TIGAR: variants seen among roughly 807,000 people sequenced by gnomAD.
TIGAR encodes the protein TP53 induced glycolysis regulatory phosphatase, also known as fructose-2,6-bisphosphatase TIGAR.
A neutral mutation model predicts 17.9 loss-of-function variants in TIGAR; 7 were observed. The ratio of observed to expected loss-of-function variants is 0.39; its 90% confidence interval spans 0.22 to 0.73. The LOEUF is 0.73. Among genes scored for constraint, TIGAR ranks in the 30% least tolerant of loss-of-function variants. The probability of loss-of-function intolerance (pLI) is 0.42; values close to 1 mark genes in which losing one functional copy is unlikely to be tolerated. For synonymous variants in TIGAR, 94 were observed against 108.6 expected (o/e 0.87, Z 0.84); for missense variants, 258 against 327.4 (o/e 0.79, Z 1.64).
At chr12:4,348,432 A>G (rs1864803941) in intron 3 of TIGAR, among the ~76,000 whole-genome samples, 3 of 152,340 alleles carry the variant, frequency 2.0e-5, no homozygotes, top group Middle Eastern at 6.8e-3. Flanking sequence ...ATTAAAGACC[A>G]TTAGTTAGGC....
intron 1 of TIGAR, among the ~76,000 whole-genome samples, chr12:4,322,604 AATAAC>A: frequency 6.6e-6 from 1 of 152,244 alleles, no homozygotes; most frequent in East Asian, 1.9e-4. Context: ...CATACAGATA[AATAAC>A]ATACCATTTC....
chr12:4,335,206 T>G (rs1864645205), intron 2 of TIGAR, among the ~76,000 whole-genome samples: 1 of 152,074 alleles, frequency 6.6e-6, no homozygotes, highest in Non-Finnish European at 1.5e-5. Flanking sequence ...CCCAGCTAAT[T>G]TTGTATTTTT....
Position 4,346,521 on chromosome 12 carries a change from C to T in TIGAR, c.193-3298C>T, listed in dbSNP as rs1034194601. On this transcript the variant is annotated intron_variant, in intron 3 of 5. Coordinates refer to ENST00000179259, the MANE Select transcript of TIGAR (RefSeq NM_020375.3). ...ATGGCAAGGACAAAAAACCAAACAC[C>T]GCGTTTTCTCACTCGTAGGTGGGAA... Among the ~76,000 whole-genome samples, 8 of 151,978 alleles carry T rather than the reference C, an allele frequency of 5.3e-5. No individual in the cohort carries two copies. In the East Asian group the frequency reaches 5.8e-4, roughly 11 times the overall value.
rs1179601911 is a variant in TIGAR, at chr12:4,358,267, A to G, written c.*5576A>G. ...GAAACCCTGTCTTTACTAAAAATAC[A>G]AAAATTAGCTGGGCGTCTCCAAAAA... On this transcript the variant is annotated 3_prime_UTR_variant, in exon 6 of 6. Coordinates refer to ENST00000179259, the MANE Select transcript of TIGAR (RefSeq NM_020375.3). Among the ~76,000 whole-genome samples, 4 of 150,998 alleles carry G rather than the reference A, an allele frequency of 2.6e-5. No homozygotes were observed. The highest frequency in any genetic ancestry group is 9.8e-5 in the African/African-American group (4 of 40,616).
intron 2 of TIGAR, 124 bp from the exon 3 acceptor site, chr12:4,336,915 A>T: frequency 8.7e-7 from 1 of 1,145,248 alleles, no homozygotes; most frequent in East Asian, 2.8e-5. Context: ...AGTTACGTGG[A>T]AGAGTACTTA....
intron 3 of TIGAR, among the ~76,000 whole-genome samples, chr12:4,344,890 C>CT (rs1298181099): frequency 6.6e-6 from 1 of 152,184 alleles, no homozygotes; most frequent in Non-Finnish European, 1.5e-5. Context: ...CCCAAATCTC[C>CT]TTAAGCTGAT....
intron 4 of TIGAR, 132 bp downstream of exon 4, chr12:4,350,028 A>G: frequency 1.6e-6 from 1 of 625,120 alleles, no homozygotes. Context: ...AGAATCTACC[A>G]TATGACAGTC....
chr12:4,334,439 G>A (rs541485106), intron 2 of TIGAR, among the ~76,000 whole-genome samples: 200 of 152,274 alleles, frequency 1.3e-3, no homozygotes, highest in African/African-American at 4.5e-3. Context: ...TTGAGGGTTA[G>A]GATGTCAACA....
chr12:4,338,107 C>T (rs1438566421), intron 3 of TIGAR, among the ~76,000 whole-genome samples: 3 of 151,370 alleles, frequency 2.0e-5, no homozygotes, highest in Non-Finnish European at 4.4e-5. Context: ...GGTTGGGCTA[C>T]AGAGCAAGAC....
chr12:4,337,227 T>C, intron 3 of TIGAR, 67 bp downstream of exon 3: 3 of 1,249,912 alleles, frequency 2.4e-6, no homozygotes, highest in Non-Finnish European at 3.3e-6. Context: ...AGTGCAGTGG[T>C]GCAGTCTCTG....
chr12:4,324,186 G>A (rs1051206568), intron 1 of TIGAR, among the ~76,000 whole-genome samples: 1 of 152,146 alleles, frequency 6.6e-6, no homozygotes, highest in Non-Finnish European at 1.5e-5. Context: ...ATGAGCTTAT[G>A]GCACAGCATT....
chr12:4,327,957 C>T (rs180744083), intron 1 of TIGAR, among the ~76,000 whole-genome samples: 67 of 152,140 alleles, frequency 4.4e-4, no homozygotes, highest in Admixed American at 1.4e-3. Context: ...TGAGCCACCG[C>T]GCCCAGCCGA....
intron 3 of TIGAR, among the ~76,000 whole-genome samples, chr12:4,345,387 C>T (rs1460513026): frequency 1.3e-5 from 2 of 152,206 alleles, no homozygotes; most frequent in African/African-American, 4.8e-5. Context: ...ACCAAAACAG[C>T]ATGGTACTGG....
At chr12:4,344,242 A>G (rs1864756112) in intron 3 of TIGAR, among the ~76,000 whole-genome samples, 1 of 152,210 alleles carries the variant, frequency 6.6e-6, no homozygotes, top group African/African-American at 2.4e-5. Context: ...TTAATAGCTT[A>G]CCAACCAAAA....
At position 4,321,415 on chromosome 12, in the gene TIGAR, G is replaced by A; in HGVS notation, c.32+112G>A. On this transcript the variant is annotated intron_variant, in intron 1 of 5. Coordinates refer to ENST00000179259, the MANE Select transcript of TIGAR (RefSeq NM_020375.3). The surrounding 1 kb of genome is among the most constrained non-coding windows in gnomAD (Gnocchi z 5.2). Reference sequence around the variant, plus strand: ...CTCCCCTCCCTGCTCGCTCCAGCCCGGGAGGGCTGGCTTGGAAGCGCTTTT... The same window carrying A: ...CTCCCCTCCCTGCTCGCTCCAGCCCAGGAGGGCTGGCTTGGAAGCGCTTTT... The A allele has an allele frequency of 6.7e-7, 1 of 1,483,418 alleles. No homozygotes were observed. The allele number at this position is 1,483,418 out of a possible 1,614,324, so 91.9% of individuals were successfully genotyped here. A position where few individuals can be genotyped will look rare whatever the true frequency, so the allele number is the denominator to read the frequency against.
intron 1 of TIGAR, among the ~76,000 whole-genome samples, chr12:4,329,370 G>C (rs1253275179): frequency 1.9e-5 from 2 of 106,802 alleles, no homozygotes; most frequent in African/African-American, 3.7e-5. Flanking sequence ...ACAGGGTCTT[G>C]CTCTCTCACC....
chr12:4,329,328 CTTTTTTTTTTT>C (rs34584528), intron 1 of TIGAR, among the ~76,000 whole-genome samples: 1 of 73,236 alleles, frequency 1.4e-5, no homozygotes, highest in South Asian at 6.1e-4. Context: ...AGCTAATGAT[CTTTTTTTTTTT>C]TTTTTTTTTT....
Position 4,358,427 on chromosome 12 carries a change from G to A in TIGAR, c.*5736G>A, listed in dbSNP as rs553595799. 1.3e-5 allele frequency among the ~76,000 whole-genome samples: 2 copies of A among 152,146 alleles called. No individual in the cohort carries two copies. The highest frequency in any genetic ancestry group is 3.8e-4 in the East Asian group (2 of 5,206). ...AACCTACAGAAAAGTTGCAAGAACA[G>A]TAGAAGGAATGGCTGTATACTCTTC... On this transcript the variant is annotated 3_prime_UTR_variant, in exon 6 of 6. Transcript: ENST00000179259.
chr12:4,340,411 A>G (rs1396075908), intron 3 of TIGAR, among the ~76,000 whole-genome samples: 2 of 152,224 alleles, frequency 1.3e-5, no homozygotes, highest in Non-Finnish European at 2.9e-5. Context: ...ACAACAAAGA[A>G]ATGGAAAGAT....
Sources: gnomAD v4.1 joint callset for allele counts (sites outside exome capture counted in the v4.1 genomes callset) on GRCh38, gnomAD v4.1.1 for gene constraint, Gnocchi (gnomAD v3.1) non-coding constraint, MANE v1.5 for transcripts, NCBI Gene and HGNC (gene_info 2026-07-23, HGNC 2026-07-21) for gene names.